SERINC5: variants seen among roughly 807,000 people sequenced by gnomAD.
The protein encoded by SERINC5 is chromosome 5 open reading frame 12.
Under a neutral mutation model 63.1 loss-of-function variants are expected in SERINC5, and 41 were observed. The observed-to-expected ratio is 0.65, with a 90% CI of 0.51 to 0.84. The LOEUF (loss-of-function observed/expected upper bound fraction) is 0.84, where lower values mean the gene tolerates loss of function less well. SERINC5 is among the 40% of genes least tolerant of loss of function. The pLI is 0.00. For missense variants in SERINC5, 523 were observed against 573.0 expected (o/e 0.91, Z 0.89); for synonymous variants, 222 against 215.2 (o/e 1.03, Z -0.28).
intron 1 of SERINC5, among the ~76,000 whole-genome samples, chr5:80,208,296 T>C (rs1308856376): frequency 6.6e-6 from 1 of 150,628 alleles, no homozygotes; most frequent in Non-Finnish European, 1.5e-5. Flanking sequence ...GGGGAGGCCG[T>C]GCAAGTGGGG....
chr5:80,168,374 A>AT (rs1216799111), intron 6 of SERINC5, among the ~76,000 whole-genome samples: 2 of 151,872 alleles, frequency 1.3e-5, no homozygotes, highest in African/African-American at 2.4e-5. Flanking sequence ...TTTTCTGGGT[A>AT]TTTTTTTGTA....
intron 1 of SERINC5, among the ~76,000 whole-genome samples, chr5:80,248,051 C>A (rs2112608364): frequency 6.6e-6 from 1 of 152,148 alleles, no homozygotes; most frequent in African/African-American, 2.4e-5. Context: ...AGGGTTTCTC[C>A]ATGTTGCCCA....
chr5:80,199,395 C>T (rs1413477936), intron 2 of SERINC5, among the ~76,000 whole-genome samples: 1 of 152,130 alleles, frequency 6.6e-6, no homozygotes, highest in Non-Finnish European at 1.5e-5. Context: ...GGAAAGTGCT[C>T]AGAATAAAAC....
chr5:80,233,368 G>A (rs898433044), intron 1 of SERINC5, among the ~76,000 whole-genome samples: 4 of 151,978 alleles, frequency 2.6e-5, no homozygotes, highest in East Asian at 1.9e-4. Context: ...CGGAGGTTGC[G>A]GTGAGCTGAG....
At chr5:80,153,456 TG>T (rs1746314895) in intron 8 of SERINC5, among the ~76,000 whole-genome samples, 2 of 150,046 alleles carry the variant, frequency 1.3e-5, no homozygotes, top group African/African-American at 5.0e-5. Context: ...ACACTCTTCT[TG>T]GAATTATCAA....
intron 1 of SERINC5, among the ~76,000 whole-genome samples, chr5:80,217,450 C>T (rs982090318): frequency 2.4e-4 from 36 of 152,126 alleles, no homozygotes; most frequent in Admixed American, 2.3e-3. Flanking sequence ...GCTAGATGCC[C>T]GTATGCTCGG....
intron 7 of SERINC5, among the ~76,000 whole-genome samples, chr5:80,160,136 C>G (rs1324947021): frequency 6.6e-6 from 1 of 152,114 alleles, no homozygotes; most frequent in Non-Finnish European, 1.5e-5. Context: ...CCTGTGGGAT[C>G]TGACCTTATC....
intron 1 of SERINC5, 112 bp from the exon 2 acceptor site, chr5:80,203,165 G>T: frequency 9.3e-7 from 1 of 1,077,394 alleles, no homozygotes; most frequent in South Asian, 1.4e-5. Flanking sequence ...GGGGGCTGGA[G>T]GATCACTTGA....
At chr5:80,190,994 G>C (rs970274620) in intron 2 of SERINC5, among the ~76,000 whole-genome samples, 2 of 151,956 alleles carry the variant, frequency 1.3e-5, no homozygotes, top group African/African-American at 4.8e-5. Flanking sequence ...GTTTAGGAGA[G>C]GCCATTGTTT....
rs10554934 is a variant in SERINC5, at chr5:80,186,126, G to GAA, written c.196-8064_196-8063dup. Among the ~76,000 whole-genome samples the GAA allele has an allele frequency of 2.1e-3, 128 of 61,434 alleles. 2 individuals carry two copies. The highest frequency in any genetic ancestry group is 2.8e-3 in the Non-Finnish European group (87 of 31,576). The allele number at this position is 61,434 out of a possible 152,430, so 40.3% of individuals were successfully genotyped here. ...ATTGAAAGATTAACTTTCTTGTTTTGAAAAAAAAAAAAAAAAAAAAAAAAA... is the reference window on the plus strand; with the variant it reads ...ATTGAAAGATTAACTTTCTTGTTTTGAAAAAAAAAAAAAAAAAAAAAAAAAAA... On this transcript the variant is annotated intron_variant, in intron 2 of 11. Coordinates refer to ENST00000507668, the MANE Select transcript of SERINC5 (RefSeq NM_001174072.3).
In SERINC5 at chr5:80,143,656, G is replaced by A. The variant is rs892822700; in HGVS notation, c.*7C>T. The A allele has an allele frequency of 2.1e-5, 33 of 1,535,512 alleles. No homozygotes were observed. The highest frequency in any genetic ancestry group is 4.1e-5 in the African/African-American group (3 of 72,988). On this transcript the variant is annotated 3_prime_UTR_variant, in exon 12 of 12. Transcript: ENST00000507668. Reference sequence around the variant, plus strand: ...GGCCCACAAAGCCCAGGGGACCGCCGATATCATCACACAGAGAACTCCCGG... The same window carrying A: ...GGCCCACAAAGCCCAGGGGACCGCCAATATCATCACACAGAGAACTCCCGG...
chr5:80,126,364 A>T (rs1744750372), intron 11 of SERINC5, among the ~76,000 whole-genome samples: 1 of 152,228 alleles, frequency 6.6e-6, no homozygotes, highest in Non-Finnish European at 1.5e-5. Context: ...GCCAAAGAGA[A>T]ATGTAAGCTT....
intron 7 of SERINC5, among the ~76,000 whole-genome samples, chr5:80,164,472 C>A (rs1385201405): frequency 6.6e-6 from 1 of 152,116 alleles, no homozygotes; most frequent in East Asian, 1.9e-4. Context: ...GCCTCAACCT[C>A]TGGGGCTCCA....
At chr5:80,138,405 G>C (rs1051277900), downstream of SERINC5, among the ~76,000 whole-genome samples, 6 of 152,098 alleles carry the variant, frequency 3.9e-5, no homozygotes, top group Non-Finnish European at 7.3e-5. Context: ...AGACCAGCCT[G>C]GCCAACATGG....
At chr5:80,185,186 T>C (rs1561405475) in intron 2 of SERINC5, among the ~76,000 whole-genome samples, 1 of 152,096 alleles carries the variant, frequency 6.6e-6, no homozygotes, top group Non-Finnish European at 1.5e-5. Context: ...GTATGTTGTT[T>C]CTATACAGAC....
intron 2 of SERINC5, among the ~76,000 whole-genome samples, chr5:80,198,055 G>C (rs946214273): frequency 1.3e-5 from 2 of 151,966 alleles, no homozygotes; most frequent in African/African-American, 4.8e-5. Context: ...GGTTAGGATG[G>C]TCTGGATCTC....
intron 8 of SERINC5, among the ~76,000 whole-genome samples, chr5:80,152,262 A>G (rs1327485918): frequency 6.6e-6 from 1 of 152,118 alleles, no homozygotes; most frequent in Non-Finnish European, 1.5e-5. Flanking sequence ...GCACTTTGGG[A>G]GGCTGTGGCA....
At chr5:80,186,858 A>C (rs1158168682) in intron 2 of SERINC5, among the ~76,000 whole-genome samples, 2 of 152,174 alleles carry the variant, frequency 1.3e-5, no homozygotes, top group East Asian at 1.9e-4. Context: ...ACTTGAGATT[A>C]GAAAATGCAA....
chr5:80,221,874 C>T (rs1375118788), intron 1 of SERINC5, among the ~76,000 whole-genome samples: 1 of 151,478 alleles, frequency 6.6e-6, no homozygotes, highest in African/African-American at 2.4e-5. Context: ...TGGCCAGACA[C>T]GGTGGTTCAC....
Sources: allele counts gnomAD v4.1 joint callset (sites outside exome capture counted in the v4.1 genomes callset), GRCh38; gene constraint gnomAD v4.1.1; transcripts MANE v1.5; gene names NCBI Gene and HGNC (gene_info 2026-07-23, HGNC 2026-07-21).